Variants in TRAF3IP1 observed in about 807,000 individuals in gnomAD.
TRAF3IP1 encodes the protein intraflagellar transport 54.
A neutral mutation model predicts 89.9 loss-of-function variants in TRAF3IP1; 53 were observed. The ratio of observed to expected loss-of-function variants is 0.59; its 90% CI spans 0.47 to 0.74. TRAF3IP1 has a LOEUF of 0.74. TRAF3IP1 is among the 30% of genes least tolerant of loss of function. The pLI is 0.00. For missense variants in TRAF3IP1, 806 were observed against 866.1 expected (o/e 0.93, Z 0.87); for synonymous variants, 311 against 322.1 (o/e 0.97, Z 0.37).
intron 12 of TRAF3IP1, 94 bp downstream of exon 12, chr2:238,349,502 A>T: frequency 7.8e-7 from 1 of 1,284,546 alleles, no homozygotes; most frequent in Non-Finnish European, 1.1e-6. Context: ...GAAGCAGCAC[A>T]TGGTGCTGGA....
intron 3 of TRAF3IP1, 144 bp from the exon 4 acceptor site, chr2:238,328,542 G>T: frequency 9.5e-7 from 1 of 1,048,900 alleles, no homozygotes; most frequent in Non-Finnish European, 1.4e-6. Context: ...ATAATAACAT[G>T]TTCAAAAAAT....
At chr2:238,335,058 T>C (rs550823524) in intron 7 of TRAF3IP1, among the ~76,000 whole-genome samples, 1 of 152,374 alleles carries the variant, frequency 6.6e-6, no homozygotes, top group South Asian at 2.1e-4. Flanking sequence ...ACTGATTTGC[T>C]TGCACGTGCT....
intron 15 of TRAF3IP1, among the ~76,000 whole-genome samples, chr2:238,362,657 C>G (rs1293437339): frequency 6.6e-6 from 1 of 152,220 alleles, no homozygotes. Flanking sequence ...AGAACTTAGT[C>G]ACAAAGGAGA....
intron 15 of TRAF3IP1, among the ~76,000 whole-genome samples, chr2:238,370,413 G>A (rs558831258): frequency 1.4e-4 from 22 of 152,168 alleles, no homozygotes; most frequent in African/African-American, 4.8e-4. Context: ...TATATGCATG[G>A]CTATGTCTGT....
chr2:238,338,588 A>G, intron 8 of TRAF3IP1, 131 bp downstream of exon 8: 1 of 531,040 alleles, frequency 1.9e-6, no homozygotes, highest in East Asian at 3.2e-5. Flanking sequence ...TTCATGATGT[A>G]TTGAAGACTG....
intron 10 of TRAF3IP1, 146 bp from the exon 11 acceptor site, chr2:238,348,618 T>C (rs1699007198): frequency 3.0e-6 from 2 of 655,906 alleles, no homozygotes; most frequent in South Asian, 4.0e-5. Flanking sequence ...ATCAACATGA[T>C]TGATGGAAAA....
chr2:238,325,210 C>A, intron 1 of TRAF3IP1, 96 bp from the exon 2 acceptor site: 1 of 1,201,638 alleles, frequency 8.3e-7, no homozygotes, highest in Non-Finnish European at 1.2e-6. Flanking sequence ...GGCTGCTAGT[C>A]AATTCTGACA....
chr2:238,388,972 C>T (rs1293431499), intron 15 of TRAF3IP1, among the ~76,000 whole-genome samples: 1 of 152,114 alleles, frequency 6.6e-6, no homozygotes, highest in Non-Finnish European at 1.5e-5. Context: ...TAAATCAATT[C>T]CTGAGGTCAT....
In TRAF3IP1 at chr2:238,351,866, T is replaced by TGTGTGCGC. The variant is rs1421537563; in HGVS notation, c.1452-960_1452-959insTGTGCGCG. Among the ~76,000 whole-genome samples the TGTGTGCGC allele has an allele frequency of 1.6e-4, 20 of 128,192 alleles. No homozygotes were observed. The highest frequency in any genetic ancestry group is 5.4e-4 in the African/African-American group (16 of 29,418). 84.1% of individuals were successfully genotyped at this position (128,192 alleles called of 152,430 possible). ...GTGTGTGTGTGTGTGTGTGTGTGTG[T>TGTGTGCGC]GCGCGCGCGCGCGTGTGCGTGCATG... is the stretch of plus-strand genomic sequence containing the variant. On this transcript the variant is annotated intron_variant, in intron 12 of 16. Transcript: ENST00000373327. This position sits in a 1 kb window ranked among gnomAD's most constrained non-coding sequence, Gnocchi z 5.2.
chr2:238,327,590 C>T (rs1356936979), intron 3 of TRAF3IP1, among the ~76,000 whole-genome samples: 1 of 152,006 alleles, frequency 6.6e-6, no homozygotes, highest in Admixed American at 6.6e-5. Flanking sequence ...GTGTTAAAGT[C>T]CATAAAACAT....
At chr2:238,323,717 C>G (rs1159376602) in intron 1 of TRAF3IP1, among the ~76,000 whole-genome samples, 1 of 152,174 alleles carries the variant, frequency 6.6e-6, no homozygotes, top group African/African-American at 2.4e-5. Flanking sequence ...TTACCACATA[C>G]CATGCAGCCT....
In TRAF3IP1 at chr2:238,320,754, C is replaced by A. The variant is rs1477646716; in HGVS notation, c.92C>A (p.Pro31Gln). The change falls in exon 1 of 17, where the codon CCG (proline) becomes CAG (glutamine). Residue 31 changes from proline (P) to glutamine (Q), a missense_variant. Pro to Gln is a moderately conservative substitution (Grantham distance 76). Coordinates refer to ENST00000373327, the MANE Select transcript of TRAF3IP1 (RefSeq NM_015650.4). The part of the protein sequence containing the change: ...PLTEKLLSKP[P>Q]FRYLHDIITE... ...ACCGAGAAGCTGCTGAGCAAGCCCC[C>A]GTTCCGCTACCTGCACGACATCATC... 2.4e-5 allele frequency: 34 copies of A among 1,438,122 alleles called. No individual in the cohort carries two copies. Among genetic ancestry groups the A allele is most frequent in the Non-Finnish European group, 7.4e-6 (8 of 1,083,106 alleles). The allele number at this position is 1,438,122 out of a possible 1,614,324, so 89.1% of individuals were successfully genotyped here. A position where few individuals can be genotyped will look rare whatever the true frequency, so the allele number is the denominator to read the frequency against.
At chr2:238,397,379 C>A in intron 15 of TRAF3IP1, 80 bp from the exon 16 acceptor site, 1 of 1,289,280 alleles carries the variant, frequency 7.8e-7, no homozygotes, top group Non-Finnish European at 1.1e-6. Context: ...AGCCCCATGG[C>A]CGTGTGCTGA....
chr2:238,348,308 A>T (rs987643633), intron 10 of TRAF3IP1, among the ~76,000 whole-genome samples: 1 of 152,198 alleles, frequency 6.6e-6, no homozygotes, highest in Non-Finnish European at 1.5e-5. Context: ...ATATGTATAT[A>T]ATTGTTAGAT....
intron 15 of TRAF3IP1, among the ~76,000 whole-genome samples, chr2:238,393,001 C>T (rs955207109): frequency 6.6e-6 from 1 of 152,196 alleles, no homozygotes; most frequent in African/African-American, 2.4e-5. Flanking sequence ...TTAAAGCATC[C>T]GCATGCATTT....
chr2:238,342,721 G>A (rs1698718317), intron 8 of TRAF3IP1, among the ~76,000 whole-genome samples: 1 of 151,912 alleles, frequency 6.6e-6, no homozygotes, highest in Admixed American at 6.6e-5. Flanking sequence ...AATATTTCAT[G>A]TTTATTCTCT....
intron 6 of TRAF3IP1, among the ~76,000 whole-genome samples, chr2:238,333,516 G>A (rs4663878): frequency 0.027 from 4,099 of 152,284 alleles, 117 homozygotes; most frequent in South Asian, 0.065. Context: ...GAGAGGTGGT[G>A]AGACTGGAAC....
At chr2:238,377,029 C>T (rs1012567249) in intron 15 of TRAF3IP1, among the ~76,000 whole-genome samples, 1 of 152,092 alleles carries the variant, frequency 6.6e-6, no homozygotes, top group African/African-American at 2.4e-5. Context: ...CCCAGGCAAT[C>T]GCACCCAGAG....
At chr2:238,375,237 A>T (rs1574957854) in intron 15 of TRAF3IP1, among the ~76,000 whole-genome samples, 1 of 151,896 alleles carries the variant, frequency 6.6e-6, no homozygotes, top group South Asian at 2.1e-4. Flanking sequence ...GTTGATTTTA[A>T]ATCTTTCCTG....
Sources: allele counts gnomAD v4.1 joint callset (sites outside exome capture counted in the v4.1 genomes callset), GRCh38; gene constraint gnomAD v4.1.1; non-coding constraint Gnocchi (gnomAD v3.1); transcripts MANE v1.5; gene names NCBI Gene and HGNC (gene_info 2026-07-23, HGNC 2026-07-21).